The following AKAP19 variants were observed in gnomAD, a reference collection of about 807,000 sequenced individuals.
The protein encoded by AKAP19 is A-kinase anchoring protein 19.
the AKAP19 span, chr2:190,180,789 C>T: frequency 2.0e-6 from 2 of 985,204 alleles, no homozygotes; most frequent in Non-Finnish European, 2.4e-6. This position sits in a 1 kb window ranked among gnomAD's most constrained non-coding sequence, Gnocchi z 6.8. Context: ...GCGAGGAGCG[C>T]GCGGCGGGCG....
the AKAP19 span, among the ~76,000 whole-genome samples, chr2:190,182,789 C>T: frequency 5.3e-5 from 8 of 152,134 alleles, no homozygotes; most frequent in Admixed American, 1.3e-4. Flanking sequence ...CTCCATACCC[C>T]GTGTGCTTTG....
At chr2:190,036,521 C>T in the AKAP19 span, among the ~76,000 whole-genome samples, 11 of 152,010 alleles carry the variant, frequency 7.2e-5, no homozygotes, top group Admixed American at 5.2e-4. Context: ...GGGAGGAAAC[C>T]GTAAACAATG....
At chr2:190,040,342 C>T in the AKAP19 span, among the ~76,000 whole-genome samples, 4 of 152,020 alleles carry the variant, frequency 2.6e-5, no homozygotes, top group African/African-American at 7.2e-5. Context: ...TCTGTTCATG[C>T]TCTTTGCCCA....
the AKAP19 span, among the ~76,000 whole-genome samples, chr2:190,029,881 GT>G: frequency 4.3e-4 from 65 of 152,236 alleles, no homozygotes; most frequent in Non-Finnish European, 8.5e-4. Context: ...CTAGAAGAAT[GT>G]TTACCCAAAT....
At chr2:189,885,245 G>A in the AKAP19 span, among the ~76,000 whole-genome samples, 18 of 152,242 alleles carry the variant, frequency 1.2e-4, no homozygotes, top group South Asian at 2.1e-3. Context: ...CCAAAACTAC[G>A]TCATAGAAAC....
chr2:190,035,276 C>T, the AKAP19 span, among the ~76,000 whole-genome samples: 1 of 151,688 alleles, frequency 6.6e-6, no homozygotes, highest in Non-Finnish European at 1.5e-5. Context: ...ACTAAAAATA[C>T]AAAAATTAGC....
chr2:190,115,406 G>A, the AKAP19 span, among the ~76,000 whole-genome samples: 6 of 116,166 alleles, frequency 5.2e-5, no homozygotes, highest in Admixed American at 1.9e-4. Flanking sequence ...TGCAAGCTCC[G>A]CCTCCCGGGT....
the AKAP19 span, among the ~76,000 whole-genome samples, chr2:189,997,414 G>A: frequency 6.6e-6 from 1 of 152,308 alleles, no homozygotes; most frequent in East Asian, 1.9e-4. Context: ...GGGGTACAGG[G>A]TTAGGCAGGT....
At chr2:189,946,856 G>A in the AKAP19 span, among the ~76,000 whole-genome samples, 4 of 152,140 alleles carry the variant, frequency 2.6e-5, no homozygotes, top group Non-Finnish European at 5.9e-5. Context: ...TCAGTGATCA[G>A]TACACATAAA....
the AKAP19 span, among the ~76,000 whole-genome samples, chr2:190,162,235 G>A: frequency 6.6e-6 from 1 of 151,976 alleles, no homozygotes; most frequent in African/African-American, 2.4e-5. Flanking sequence ...GTAAATATGA[G>A]TAATTTAAAA....
the AKAP19 span, among the ~76,000 whole-genome samples, chr2:190,155,021 G>C: frequency 2.0e-5 from 3 of 152,214 alleles, no homozygotes; most frequent in Non-Finnish European, 4.4e-5. Context: ...GCCAGCATTT[G>C]AACTTGTGCT....
the AKAP19 span, among the ~76,000 whole-genome samples, chr2:189,940,596 A>C: frequency 1.3e-5 from 2 of 151,142 alleles, no homozygotes; most frequent in Non-Finnish European, 2.9e-5. Context: ...TCAAAAAAAA[A>C]CACTCACAGG....
At chr2:190,200,459 A>G in the AKAP19 span, 1 of 235,226 alleles carries the variant, frequency 4.3e-6, no homozygotes, top group South Asian at 1.0e-4. Context: ...GCTAAGGAAT[A>G]AAAACTGCCC....
the AKAP19 span, among the ~76,000 whole-genome samples, chr2:190,025,697 T>G: frequency 9.9e-5 from 15 of 152,192 alleles, no homozygotes; most frequent in Non-Finnish European, 1.8e-4. Flanking sequence ...TGGGCAGTAT[T>G]TGCTGTGGAG....
the AKAP19 span, among the ~76,000 whole-genome samples, chr2:189,956,201 G>A: frequency 3.1e-5 from 4 of 129,446 alleles, no homozygotes; most frequent in South Asian, 5.1e-4. Context: ...ACGGAGTCTC[G>A]CTCTGTCGCC....
chr2:190,043,351 C>G, the AKAP19 span, among the ~76,000 whole-genome samples: 10 of 152,144 alleles, frequency 6.6e-5, no homozygotes, highest in Non-Finnish European at 5.9e-5. Flanking sequence ...GATTTGGCCC[C>G]TTTACATAAT....
At chr2:190,105,276 T>G in the AKAP19 span, among the ~76,000 whole-genome samples, 1 of 152,154 alleles carries the variant, frequency 6.6e-6, no homozygotes, top group South Asian at 2.1e-4. Context: ...GTGATATATA[T>G]ATCTCAAATA....
chr2:190,091,821 A>G, the AKAP19 span, among the ~76,000 whole-genome samples: 12 of 152,126 alleles, frequency 7.9e-5, no homozygotes, highest in Non-Finnish European at 4.4e-5. Context: ...TAATATGATT[A>G]CAAAGTAATA....
At chr2:190,000,133 C>T in the AKAP19 span, among the ~76,000 whole-genome samples, 2 of 152,142 alleles carry the variant, frequency 1.3e-5, no homozygotes, top group African/African-American at 4.8e-5. Flanking sequence ...ATGACTGTGC[C>T]ATTGGATGAC....
Sources: allele counts gnomAD v4.1 joint callset (sites outside exome capture counted in the v4.1 genomes callset), GRCh38; gene constraint gnomAD v4.1.1; non-coding constraint Gnocchi (gnomAD v3.1); transcripts MANE v1.5; gene names NCBI Gene and HGNC (gene_info 2026-07-23, HGNC 2026-07-21).